Variants in RPIA observed in about 807,000 individuals in gnomAD.
The protein encoded by RPIA is ribose 5-phosphate isomerase A.
In RPIA, 29 loss-of-function variants were observed where a neutral mutation model predicts 37.8. That is an observed-to-expected ratio of 0.77 (90% CI 0.57 to 1.05). The LOEUF is 1.05. Ranked by LOEUF, RPIA falls within the 50% of genes least tolerant of loss-of-function variation. The probability of loss-of-function intolerance (pLI) is 0.00; values close to 1 mark genes in which losing one functional copy is unlikely to be tolerated. For synonymous variants in RPIA, 167 were observed against 157.0 expected, an observed-to-expected ratio of 1.06 and a Z score of -0.48; for missense variants, 385 against 413.6, an observed-to-expected ratio of 0.93 and a Z score of 0.60.
chr2:88,706,744 C>G (rs928327679), intron 3 of RPIA, among the ~76,000 whole-genome samples: 2 of 151,818 alleles, frequency 1.3e-5, no homozygotes, highest in African/African-American at 4.8e-5. Flanking sequence ...TATATGATTT[C>G]AGGATTCCAA....
At chr2:88,717,238 G>A (rs899493559) in intron 3 of RPIA, among the ~76,000 whole-genome samples, 2 of 152,192 alleles carry the variant, frequency 1.3e-5, no homozygotes, top group Non-Finnish European at 2.9e-5. Context: ...ATGTGAGATA[G>A]GTCCCAGGTA....
At chr2:88,748,915 T>C (rs1005401316) in intron 8 of RPIA, among the ~76,000 whole-genome samples, 1 of 152,202 alleles carries the variant, frequency 6.6e-6, no homozygotes, top group African/African-American at 2.4e-5. Flanking sequence ...CTCTATGTTA[T>C]GTTTCCCAGG....
intron 6 of RPIA, 117 bp from the exon 7 acceptor site, chr2:88,736,418 C>A: frequency 9.8e-7 from 1 of 1,016,146 alleles, no homozygotes; most frequent in South Asian, 1.3e-5. Flanking sequence ...TGTATATTGC[C>A]CTTGATCACT....
chr2:88,726,174 C>T (rs977874963), intron 3 of RPIA, among the ~76,000 whole-genome samples: 1 of 152,090 alleles, frequency 6.6e-6, no homozygotes, highest in Non-Finnish European at 1.5e-5. Context: ...TGCTCACCGA[C>T]CAGGCCCTTC....
chr2:88,750,055 A>G lies in RPIA; in HGVS notation c.913A>G (p.Met305Val). ...YFGMQDGSVNMREKPFC is the reference protein window; with the variant it reads ...YFGMQDGSVNVREKPFC ...TGGGATGCAGGATGGCTCAGTGAAC[A>G]TGAGGGAGAAGCCTTTCTGTTGACC... The change falls in exon 9 of 9, where the codon ATG becomes GTG. Residue 305 changes from methionine (M) to valine (V), a missense_variant. By Grantham distance (21) the Met-to-Val change is conservative. Coordinates refer to ENST00000283646, the MANE Select transcript of RPIA (RefSeq NM_144563.3). 1 of 1,612,868 alleles carries G rather than the reference A, an allele frequency of 6.2e-7. No homozygotes were observed. Among genetic ancestry groups the G allele is most frequent in the Non-Finnish European group, 8.5e-7 (1 of 1,179,146 alleles).
chr2:88,745,899 C>T (rs887823258), intron 8 of RPIA, among the ~76,000 whole-genome samples: 2 of 152,164 alleles, frequency 1.3e-5, no homozygotes, highest in South Asian at 2.1e-4. Flanking sequence ...CTCTCCTCTC[C>T]TTCCTCAGGA....
At chr2:88,723,041 T>C (rs1673153612) in intron 3 of RPIA, among the ~76,000 whole-genome samples, 1 of 152,224 alleles carries the variant, frequency 6.6e-6, no homozygotes, top group African/African-American at 2.4e-5. Flanking sequence ...GCGAGGAATT[T>C]TAGCGAAATT....
intron 6 of RPIA, 136 bp downstream of exon 6, chr2:88,735,873 T>A: frequency 1.2e-6 from 1 of 854,316 alleles, no homozygotes; most frequent in Non-Finnish European, 2.0e-6. Flanking sequence ...TAGGACTTAG[T>A]ACAGTGTCTA....
Position 88,700,016 on chromosome 2 carries a change from G to C in RPIA, c.354G>C (p.Arg118Ser), listed in dbSNP as rs762433087. ...TGGCTTTTGTTTCCACAGCTGAAAG[G>C]GTGAAGCAAGAGAATCTGAACCTCG... ...IVHAVQRIAE[R>S]VKQENLNLVC... is the part of the protein sequence containing the mutation. The change falls in exon 3 of 9, where the codon AGG (arginine) becomes AGC (serine). Residue 118 changes from arginine to serine, a missense_variant. Coordinates refer to ENST00000283646, the MANE Select transcript of RPIA (RefSeq NM_144563.3). The C allele has an allele frequency of 7.1e-5, 115 of 1,614,056 alleles. No individual in the cohort carries two copies. The highest frequency in any genetic ancestry group is 1.6e-4 in the Middle Eastern group (1 of 6,084).
intron 4 of RPIA, among the ~76,000 whole-genome samples, chr2:88,733,304 G>T (rs1489960732): frequency 6.6e-6 from 1 of 152,202 alleles, no homozygotes; most frequent in African/African-American, 2.4e-5. Flanking sequence ...GATAGGAAAA[G>T]TGGGGTGGTT....
intron 3 of RPIA, among the ~76,000 whole-genome samples, chr2:88,719,470 G>GTA (rs1673093172): frequency 6.6e-6 from 1 of 151,974 alleles, no homozygotes; most frequent in Non-Finnish European, 1.5e-5. Context: ...AGGGAACCTG[G>GTA]TATCTTAAAG....
chr2:88,733,649 G>A (rs1673279258), intron 4 of RPIA, among the ~76,000 whole-genome samples: 2 of 152,198 alleles, frequency 1.3e-5, no homozygotes, highest in Non-Finnish European at 2.9e-5. Flanking sequence ...ATCTGTAAAA[G>A]GCTGGAAGCA....
intron 1 of RPIA, 98 bp downstream of exon 1, chr2:88,692,081 G>C: frequency 1.4e-6 from 2 of 1,442,934 alleles, no homozygotes; most frequent in Non-Finnish European, 1.9e-6. Flanking sequence ...CTAGCTCCTG[G>C]CAGGGCGGGA....
At chr2:88,729,823 G>A (rs1673243959) in intron 4 of RPIA, among the ~76,000 whole-genome samples, 2 of 18,346 alleles carry the variant, frequency 1.1e-4, no homozygotes, top group Non-Finnish European at 2.2e-4. Flanking sequence ...TTGATAGACC[G>A]CTAGCAAGAC....
chr2:88,727,887 CATTTT>C (rs1214432669), intron 3 of RPIA, among the ~76,000 whole-genome samples: 11 of 152,090 alleles, frequency 7.2e-5, no homozygotes, highest in Non-Finnish European at 1.6e-4. Context: ...ATTCAGCCAG[CATTTT>C]ATTTTAGCTT....
In RPIA at chr2:88,691,691, GCGTCGGGATGCAGCGC is replaced by G; in HGVS notation, c.-6_10del. 1 of 1,568,174 alleles carries G rather than the reference GCGTCGGGATGCAGCGC, an allele frequency of 6.4e-7. No homozygotes were observed. Among genetic ancestry groups the G allele is most frequent in the Non-Finnish European group, 8.6e-7 (1 of 1,166,032 alleles). On this transcript the variant is annotated start_lost and 5_prime_UTR_variant, in exon 1 of 9. Transcript: ENST00000283646. ...GGACTTCAGCGGAGGCCGGAGCGAG[GCGTCGGGATGCAGCGC>G]CCCGGGCCCTTCAGCACCCTCTACG... is the stretch of plus-strand genomic sequence containing the variant.
chr2:88,746,400 G>A (rs1165089130), intron 8 of RPIA, among the ~76,000 whole-genome samples: 5 of 152,182 alleles, frequency 3.3e-5, no homozygotes, highest in Admixed American at 2.0e-4. Context: ...TGTTTCATTG[G>A]AAAGATCTGG....
intron 8 of RPIA, among the ~76,000 whole-genome samples, chr2:88,740,075 A>G (rs975604389): frequency 6.6e-6 from 1 of 152,206 alleles, no homozygotes; most frequent in Non-Finnish European, 1.5e-5. Context: ...AGATTTGCAA[A>G]TCACTGTTAG....
chr2:88,737,639 G>A (rs1182511341), intron 7 of RPIA, among the ~76,000 whole-genome samples: 1 of 152,176 alleles, frequency 6.6e-6, no homozygotes, highest in African/African-American at 2.4e-5. Flanking sequence ...TGGACTAAAG[G>A]AAGTAAGAAC....
Sources: gnomAD v4.1 joint callset for allele counts (sites outside exome capture counted in the v4.1 genomes callset) on GRCh38, gnomAD v4.1.1 for gene constraint, MANE v1.5 for transcripts, NCBI Gene and HGNC (gene_info 2026-07-23, HGNC 2026-07-21) for gene names.